The following STRIP2 variants were observed in gnomAD, a reference collection of about 807,000 sequenced individuals.
STRIP2 encodes striatin-interacting protein 2.
A neutral mutation model predicts 107.1 loss-of-function variants in STRIP2; 84 were observed. That is an observed-to-expected ratio of 0.78 (90% CI 0.66 to 0.94). The LOEUF is 0.94. Ranked by LOEUF, STRIP2 falls within the 40% of genes least tolerant of loss-of-function variation. The pLI is 0.00. For missense variants in STRIP2, 888 were observed against 1,034.2 expected (o/e 0.86, Z 1.94); for synonymous variants, 394 against 400.4 (o/e 0.98, Z 0.19).
intron 1 of STRIP2, among the ~76,000 whole-genome samples, chr7:129,438,610 A>G (rs568278129): frequency 1.9e-4 from 29 of 152,252 alleles, no homozygotes; most frequent in African/African-American, 6.0e-4. Context: ...CTACAGTTCA[A>G]TTCGATTCTG....
At chr7:129,435,987 C>T (rs1797727859) in intron 1 of STRIP2, among the ~76,000 whole-genome samples, 1 of 152,096 alleles carries the variant, frequency 6.6e-6, no homozygotes, top group Admixed American at 6.5e-5. Context: ...AAGTCACCAC[C>T]TTGCAGAGGC....
At position 129,454,449 on chromosome 7, in the gene STRIP2, G is replaced by A. The variant is rs1236535956; in HGVS notation, c.628G>A (p.Val210Met). The change falls in exon 7 of 21, where the codon GTG (valine) becomes ATG (methionine). Residue 210 changes from valine to methionine, a missense_variant. Physicochemically the swap from Val to Met is conservative, Grantham distance 21. Transcript: ENST00000249344. ...RVLLSVMYLM[V>M]ENIRLERETD... ...GCTGCTGAGTGTTATGTACCTAATG[G>A]TGGAAAATATTCGCCTGGAGCGAGA... The A allele has an allele frequency of 6.2e-7, 1 of 1,614,118 alleles. No homozygotes were observed. Among genetic ancestry groups the A allele is most frequent in the Non-Finnish European group, 8.5e-7 (1 of 1,179,990 alleles).
At chr7:129,457,130 A>C (rs1442491343) in intron 9 of STRIP2, among the ~76,000 whole-genome samples, 1 of 152,210 alleles carries the variant, frequency 6.6e-6, no homozygotes, top group African/African-American at 2.4e-5. Flanking sequence ...GGGTCTATGT[A>C]TATAACCATG....
chr7:129,455,139 G>A (rs1199369415), intron 7 of STRIP2, 105 bp from the exon 8 acceptor site: 10 of 1,368,848 alleles, frequency 7.3e-6, no homozygotes, highest in Non-Finnish European at 9.9e-6. Context: ...GTATTCTTCA[G>A]GGGAGGTGAG....
intron 15 of STRIP2, 152 bp downstream of exon 15, chr7:129,464,293 C>A: frequency 2.9e-6 from 2 of 683,724 alleles, no homozygotes. Context: ...CCGTACAGGG[C>A]TTTCTGCTTG....
In STRIP2 at chr7:129,434,442, T is replaced by C. The variant is rs1366065621; in HGVS notation, c.-31T>C. On this transcript the variant is annotated 5_prime_UTR_variant, in exon 1 of 21. Transcript: ENST00000249344. ...TAGGGTCGCCTCCGGCAAAGCGAGC[T>C]GAACCCTGAGGGGAGCCGCTGACCA... 7.5e-6 allele frequency: 11 copies of C among 1,470,700 alleles called. No homozygotes were observed. The African/African-American group carries it at 1.6e-4, about 22-fold the overall frequency. The allele number at this position is 1,470,700 out of a possible 1,614,324, so 91.1% of individuals were successfully genotyped here. A position where few individuals can be genotyped will look rare whatever the true frequency, so the allele number is the denominator to read the frequency against.
chr7:129,454,672 T>C, intron 7 of STRIP2, 145 bp downstream of exon 7: 1 of 631,324 alleles, frequency 1.6e-6, no homozygotes, highest in Non-Finnish European at 2.9e-6. Flanking sequence ...ACACAGATAC[T>C]GCATGGCAGG....
At position 129,480,899 on chromosome 7, in the gene STRIP2, G is replaced by T. The variant is rs374627013; in HGVS notation, c.2049+10G>T. On this transcript the variant is annotated intron_variant, in intron 19 of 20. Transcript: ENST00000249344. ...ACATTCCCGGACCATGGTGAGTGTG[G>T]TTTTTTACATCATGGAGTTGTCCAT... 10 of 1,598,766 alleles carry T rather than the reference G, an allele frequency of 6.3e-6. No homozygotes were observed. Among genetic ancestry groups the T allele is most frequent in the East Asian group, 2.2e-5 (1 of 44,648 alleles).
chr7:129,459,009 T>C (rs923483969), intron 11 of STRIP2, among the ~76,000 whole-genome samples: 1 of 152,242 alleles, frequency 6.6e-6, no homozygotes, highest in East Asian at 1.9e-4. Context: ...TGTAGGACTT[T>C]GAGCAACAAG....
rs1267673294 is a variant in STRIP2 at position 129,464,745 on chromosome 7, A to G, written c.1776+7A>G. 1.2e-6 allele frequency: 2 copies of G among 1,614,138 alleles called. No individual in the cohort carries two copies. The highest frequency in any genetic ancestry group is 1.7e-6 in the Non-Finnish European group (2 of 1,180,000). On this transcript the variant is annotated splice_region_variant and intron_variant, in intron 16 of 20. Transcript: ENST00000249344. ...ACTCAACCATATCTACCAGGTGAGCAGCTAGGAGCACTTCTCCACAGGTCT... is the reference window on the plus strand; with the variant it reads ...ACTCAACCATATCTACCAGGTGAGCGGCTAGGAGCACTTCTCCACAGGTCT...
At chr7:129,447,556 G>A (rs917148825) in intron 3 of STRIP2, among the ~76,000 whole-genome samples, 1 of 152,164 alleles carries the variant, frequency 6.6e-6, no homozygotes, top group African/African-American at 2.4e-5. Flanking sequence ...ATATCTTGTG[G>A]AAGCAAAAAG....
chr7:129,469,413 T>C (rs1310313251), intron 17 of STRIP2, among the ~76,000 whole-genome samples: 2 of 152,254 alleles, frequency 1.3e-5, no homozygotes, highest in Non-Finnish European at 2.9e-5. Context: ...TTAGGCTAGA[T>C]TTCAATTCAC....
intron 1 of STRIP2, among the ~76,000 whole-genome samples, chr7:129,438,585 C>G (rs1343209289): frequency 6.6e-6 from 1 of 152,160 alleles, no homozygotes; most frequent in Non-Finnish European, 1.5e-5. Context: ...AATTCGCTGA[C>G]ACCAACTGGA....
Position 129,487,523 on chromosome 7 carries a change from T to C in STRIP2, c.*1694T>C, listed in dbSNP as rs373864326. ...AGGAGCTATACCAAAATCTAACAAGTAAATTTTGGATTTTGCCTCTTTGTG... is the reference window on the plus strand; with the variant it reads ...AGGAGCTATACCAAAATCTAACAAGCAAATTTTGGATTTTGCCTCTTTGTG... On this transcript the variant is annotated 3_prime_UTR_variant, in exon 21 of 21. Coordinates refer to ENST00000249344, the MANE Select transcript of STRIP2 (RefSeq NM_020704.3). The C allele has an allele frequency of 6.6e-6, 1 of 152,238 alleles. No individual in the cohort carries two copies. Among genetic ancestry groups the C allele is most frequent in the East Asian group, 1.9e-4 (1 of 5,208 alleles). 9.4% of individuals were successfully genotyped at this position (152,238 alleles called of 1,614,324 possible). A position where few individuals can be genotyped will look rare whatever the true frequency, so the allele number is the denominator to read the frequency against.
At position 129,458,805 on chromosome 7, in the gene STRIP2, T is replaced by C. The variant is rs1187295606; in HGVS notation, c.1340+28T>C. 30 of 1,611,676 alleles carry C rather than the reference T, an allele frequency of 1.9e-5. No individual in the cohort carries two copies. The highest frequency in any genetic ancestry group is 1.7e-4 in the Middle Eastern group (1 of 6,056). On this transcript the variant is annotated intron_variant, in intron 11 of 20. Coordinates refer to ENST00000249344, the MANE Select transcript of STRIP2 (RefSeq NM_020704.3). The surrounding 1 kb of genome is among the most constrained non-coding windows in gnomAD (Gnocchi z 4.6). ...AAGTGACTGAATGGCTGGAACTGGCTACAGAGTGGTTCCTAGGGGGCCAGA... is the reference window on the plus strand; with the variant it reads ...AAGTGACTGAATGGCTGGAACTGGCCACAGAGTGGTTCCTAGGGGGCCAGA...
intron 13 of STRIP2, among the ~76,000 whole-genome samples, chr7:129,460,748 A>G (rs563272155): frequency 4.8e-4 from 73 of 152,192 alleles, no homozygotes; most frequent in Non-Finnish European, 9.3e-4. Context: ...CATTCCAAAC[A>G]GAGAGAACAG....
rs763267584 is a variant in STRIP2, at chr7:129,460,316, A to G, written c.1420A>G (p.Ile474Val). 5 of 1,613,838 alleles carry G rather than the reference A, an allele frequency of 3.1e-6. No homozygotes were observed. In the African/African-American group the frequency reaches 4.0e-5, roughly 13 times the overall value. ...TCTTTGTCAGCACAAGTATATCTCC[A>G]TCGCAGATGTGCAGATCAAGAATGA... ...KTLKQHKYISIADVQIKNEEE... is the reference protein window; with the variant it reads ...KTLKQHKYISVADVQIKNEEE... The change falls in exon 13 of 21, where the codon ATC (isoleucine) becomes GTC (valine). Residue 474 changes from isoleucine to valine, a missense_variant. Physicochemically the swap from Ile to Val is conservative, Grantham distance 29 (BLOSUM62 3). Transcript: ENST00000249344.
chr7:129,439,954 T>C (rs979730076), intron 1 of STRIP2, 68 bp from the exon 2 acceptor site: 2 of 1,233,834 alleles, frequency 1.6e-6, no homozygotes, highest in Admixed American at 1.7e-5. Flanking sequence ...TAAATAAGGG[T>C]ACAGTCTTCC....
In STRIP2 at chr7:129,453,233, T is replaced by C; in HGVS notation, c.416T>C (p.Phe139Ser). 6.2e-7 allele frequency: 1 copy of C among 1,614,076 alleles called. No homozygotes were observed. The highest frequency in any genetic ancestry group is 1.1e-5 in the South Asian group (1 of 91,064). ...RAVLYLAQGT[F>S]GECDSEVDVL... Reference sequence around the variant, plus strand: ...CAACTGTCTGGTCCTTTAGGTACTTTTGGGGAATGTGATTCAGAGGTCGAT... The same window carrying C: ...CAACTGTCTGGTCCTTTAGGTACTTCTGGGGAATGTGATTCAGAGGTCGAT... Residue 139 changes from phenylalanine to serine, a missense_variant, in exon 5 of 21, where the codon TTT (phenylalanine) becomes TCT (serine). Physicochemically the swap from Phe to Ser is radical, Grantham distance 155. Coordinates refer to ENST00000249344, the MANE Select transcript of STRIP2 (RefSeq NM_020704.3).
Sources: gnomAD v4.1 joint callset for allele counts (sites outside exome capture counted in the v4.1 genomes callset) on GRCh38, gnomAD v4.1.1 for gene constraint, Gnocchi (gnomAD v3.1) non-coding constraint, MANE v1.5 for transcripts, NCBI Gene and HGNC (gene_info 2026-07-23, HGNC 2026-07-21) for gene names.